Variants in MPZL2 observed in about 807,000 individuals in gnomAD.
MPZL2 encodes myelin protein zero-like protein 2.
In MPZL2, 32 loss-of-function variants were observed where a neutral mutation model predicts 24.5. That is an observed-to-expected ratio of 1.31 (90% CI 0.99 to 1.76). MPZL2 has a LOEUF of 1.76. MPZL2 is among the 40% of genes most tolerant of loss of function. The probability of loss-of-function intolerance (pLI) is 0.00; values close to 1 mark genes in which losing one functional copy is unlikely to be tolerated. For synonymous variants in MPZL2, 92 were observed against 97.9 expected, an observed-to-expected ratio of 0.94 and a Z score of 0.36; for missense variants, 304 against 274.9, an observed-to-expected ratio of 1.11 and a Z score of -0.75.
intron 3 of MPZL2, 83 bp downstream of exon 3, chr11:118,262,355 T>C (rs1446129635): frequency 2.1e-6 from 3 of 1,409,064 alleles, no homozygotes; most frequent in Non-Finnish European, 3.0e-6. Flanking sequence ...ATTGTCCCTC[T>C]CTCTCAGCCT....
At chr11:118,257,092 G>A (rs1949665491) in intron 5 of MPZL2, 146 bp downstream of exon 5, 3 of 517,554 alleles carry the variant, frequency 5.8e-6, no homozygotes, top group African/African-American at 3.9e-5. Context: ...ACTAATAGAA[G>A]ACTTTTGTCT....
rs371289333 is a variant in MPZL2 at position 118,262,744 on chromosome 11, T to C, written c.226-96A>G. 9.4e-4 allele frequency: 1,291 copies of C among 1,378,764 alleles called. 13 individuals are homozygous for C. The highest frequency in any genetic ancestry group is 6.1e-4 in the Admixed American group (34 of 55,822). 85.4% of individuals were successfully genotyped at this position (1,378,764 alleles called of 1,614,324 possible). On this transcript the variant is annotated intron_variant, in intron 2 of 5. Transcript: ENST00000278937. ...GAAGTGAAACACCAGCAAACCCAAC[T>C]GTCCTGTCTGCAGCTCTGTCACTTG...
intron 3 of MPZL2, among the ~76,000 whole-genome samples, chr11:118,261,990 G>A (rs2120268): frequency 0.2 from 30,486 of 152,102 alleles, 3,120 homozygotes; most frequent in Middle Eastern, 0.26. Context: ...TACTCAGTAA[G>A]TGTTAGCTCC....
Position 118,264,258 on chromosome 11 carries a change from G to T in MPZL2, c.-105C>A. On this transcript the variant is annotated 5_prime_UTR_variant, in exon 1 of 6. Coordinates refer to ENST00000278937, the MANE Select transcript of MPZL2 (RefSeq NM_005797.4). ...GGAGCAAGCACCGCGTTTTCCCAGA[G>T]AGAGGAGTTTGAGTTGAGTTCCTCA... The T allele has an allele frequency of 8.9e-7, 1 of 1,118,642 alleles. No individual in the cohort carries two copies. The highest frequency in any genetic ancestry group is 1.5e-5 in the African/African-American group (1 of 65,446). The allele number at this position is 1,118,642 out of a possible 1,614,324, so 69.3% of individuals were successfully genotyped here. A position where few individuals can be genotyped will look rare whatever the true frequency, so the allele number is the denominator to read the frequency against.
At chr11:118,260,783 A>G (rs1368989146) in intron 3 of MPZL2, among the ~76,000 whole-genome samples, 1 of 152,224 alleles carries the variant, frequency 6.6e-6, no homozygotes, top group Non-Finnish European at 1.5e-5. Context: ...CAGAAGCTAC[A>G]GTCTAGTGGA....
At chr11:118,258,148 G>A (rs1949674735) in intron 4 of MPZL2, among the ~76,000 whole-genome samples, 1 of 151,916 alleles carries the variant, frequency 6.6e-6, no homozygotes, top group Non-Finnish European at 1.5e-5. Flanking sequence ...CGAACTCAAA[G>A]ATCTAAATGT....
chr11:118,261,030 A>G (rs933550107), intron 3 of MPZL2, among the ~76,000 whole-genome samples: 4 of 152,200 alleles, frequency 2.6e-5, no homozygotes, highest in Non-Finnish European at 5.9e-5. Flanking sequence ...CTCATTTTGT[A>G]TGTCTCCACT....
intron 3 of MPZL2, among the ~76,000 whole-genome samples, chr11:118,261,395 C>T (rs909283479): frequency 1.3e-5 from 2 of 152,152 alleles, no homozygotes; most frequent in African/African-American, 4.8e-5. Context: ...CTTCTTTGAG[C>T]CTCAGTTTCC....
rs1277084771 is a variant in MPZL2, at chr11:118,262,656, G to A, written c.226-8C>T. On this transcript the variant is annotated splice_polypyrimidine_tract_variant and splice_region_variant and intron_variant, in intron 2 of 5. Transcript: ENST00000278937. ...TATGTGGTAGTAGAATACCTAGAGA[G>A]GGGAAATGGCAAAAGGTCTTCTTAC... The A allele has an allele frequency of 3.7e-6, 6 of 1,612,596 alleles. No individual in the cohort carries two copies. The highest frequency in any genetic ancestry group is 5.1e-6 in the Non-Finnish European group (6 of 1,179,470).
At chr11:118,259,399 A>T (rs1347827075) in intron 4 of MPZL2, 4 of 152,266 alleles carry the variant, frequency 2.6e-5, no homozygotes, top group Non-Finnish European at 4.4e-5. Flanking sequence ...AAGTGAAAGA[A>T]GCTGGGCATA....
chr11:118,259,572 G>GT (rs1949685229), intron 4 of MPZL2: 1 of 152,636 alleles, frequency 6.6e-6, no homozygotes, highest in Non-Finnish European at 1.5e-5. Flanking sequence ...GCTTAAAAAC[G>GT]TTCTGCAATT....
Position 118,260,079 on chromosome 11 carries a change from C to T in MPZL2, c.559G>A (p.Ala187Thr). The part of the protein sequence containing the change: ...HYRKKRWAER[A>T]HKVVEIKSKE... ...GATTTTATCTCCACCACTTTATGAG[C>T]TCTTTCGGCCCATCGCTTTTTCCGG... The change falls in exon 4 of 6, where the codon GCT (alanine) becomes ACT (threonine). Residue 187 changes from alanine (A) to threonine (T), a missense_variant. Coordinates refer to ENST00000278937, the MANE Select transcript of MPZL2 (RefSeq NM_005797.4). 6.2e-7 allele frequency: 1 copy of T among 1,613,998 alleles called. No homozygotes were observed. Among genetic ancestry groups the T allele is most frequent in the Non-Finnish European group, 8.5e-7 (1 of 1,179,910 alleles).
In MPZL2 at chr11:118,260,083, T is replaced by G. The variant is rs1949689182; in HGVS notation, c.555A>C (p.Glu185Asp). 6.2e-7 allele frequency: 1 copy of G among 1,613,940 alleles called. No individual in the cohort carries two copies. The highest frequency in any genetic ancestry group is 1.3e-5 in the African/African-American group (1 of 74,926). The change falls in exon 4 of 6, where the codon GAA becomes GAC. Residue 185 changes from glutamate to aspartate, a missense_variant. Transcript: ENST00000278937. ...TTATCTCCACCACTTTATGAGCTCT[T>G]TCGGCCCATCGCTTTTTCCGGTAAT... ...FQHYRKKRWA[E>D]RAHKVVEIKS... is the part of the protein sequence containing the mutation.
At chr11:118,260,300 C>A in intron 3 of MPZL2, 99 bp from the exon 4 acceptor site, 3 of 1,249,756 alleles carry the variant, frequency 2.4e-6, no homozygotes, top group Admixed American at 2.3e-5. Flanking sequence ...TAGATGGAAT[C>A]TTCCTTTATC....
chr11:118,262,206 C>A (rs979024662), intron 3 of MPZL2, among the ~76,000 whole-genome samples: 2 of 152,182 alleles, frequency 1.3e-5, no homozygotes, highest in Non-Finnish European at 2.9e-5. Flanking sequence ...GTAACGGATT[C>A]TCTGAGTTCC....
intron 4 of MPZL2, among the ~76,000 whole-genome samples, chr11:118,257,820 G>C (rs1238671729): frequency 6.6e-6 from 1 of 151,050 alleles, no homozygotes; most frequent in Non-Finnish European, 1.5e-5. Context: ...AGACCAGCCT[G>C]ACCAACATGG....
intron 5 of MPZL2, among the ~76,000 whole-genome samples, chr11:118,255,917 C>A (rs186621813): frequency 6.6e-6 from 1 of 152,322 alleles, no homozygotes; most frequent in African/African-American, 2.4e-5. Context: ...TTGGGGATCA[C>A]ACATTGCACT....
At position 118,264,095 on chromosome 11, in the gene MPZL2, C is replaced by T. The variant is rs757515571; in HGVS notation, c.58+1G>A. 7 of 1,613,920 alleles carry T rather than the reference C, an allele frequency of 4.3e-6. No homozygotes were observed. The East Asian group carries it at 1.3e-4, about 31-fold the overall frequency. On this transcript the variant is annotated splice_donor_variant, in intron 1 of 5. Coordinates refer to ENST00000278937, the MANE Select transcript of MPZL2 (RefSeq NM_005797.4). LOFTEE classifies it high-confidence loss of function. ...TCTGAGAGAAGCCCGCCGGCTCTTA[C>T]CTGTGAGCTGTATGCCAAGGAGAAG...
chr11:118,262,482 A>ACAT lies in MPZL2; in HGVS notation c.389_391dup (p.Asp130dup). On this transcript the variant is annotated inframe_insertion, in exon 3 of 6. Transcript: ENST00000278937. ...CCGGATCTCCCCTATCACCCCATCA[A>ACAT]CATCAGGTGGGTTCTTCACCTGGCA... The ACAT allele has an allele frequency of 6.2e-7, 1 of 1,614,066 alleles. No homozygotes were observed.
Sources: gnomAD v4.1 joint callset for allele counts (sites outside exome capture counted in the v4.1 genomes callset) on GRCh38, gnomAD v4.1.1 for gene constraint, MANE v1.5 for transcripts, NCBI Gene and HGNC (gene_info 2026-07-23, HGNC 2026-07-21) for gene names.